The following STAG2 variants were observed in gnomAD, a reference collection of about 807,000 sequenced individuals.
STAG2 encodes the protein cohesin subunit SA-2.
Under a neutral mutation model 108.1 loss-of-function variants are expected in STAG2, and 14 were observed. The ratio of observed to expected loss-of-function variants is 0.13; its 90% CI spans 0.09 to 0.20. STAG2 has a LOEUF of 0.20. Ranked by LOEUF, STAG2 falls within the 10% of genes least tolerant of loss-of-function variation. The pLI, the probability that STAG2 is intolerant of heterozygous loss-of-function variation, is 1.00. For synonymous variants in STAG2, 307 were observed against 302.7 expected (o/e 1.01, Z -0.15); for missense variants, 440 against 940.9 (o/e 0.47, Z 6.96).
chrX:123,960,652 A>AAAAAAAAC (rs1569483388), upstream of STAG2: 1 of 102,449 alleles, frequency 9.8e-6, no homozygotes, highest in Non-Finnish European at 2.0e-5. Context: ...AAGAAAAAAA[A>AAAAAAAAC]CCCCGCCGGA....
At chrX:124,083,993 G>A (rs2059030310) in intron 29 of STAG2, among the ~76,000 whole-genome samples, 1 of 111,318 alleles carries the variant, frequency 9.0e-6, no homozygotes, top group Admixed American at 9.6e-5. Flanking sequence ...GAATAATAAA[G>A]GCAATCCATC....
intron 30 of STAG2, among the ~76,000 whole-genome samples, chrX:124,087,345 T>C (rs2059132027): frequency 8.9e-6 from 1 of 112,011 alleles, no homozygotes; most frequent in South Asian, 3.7e-4. Flanking sequence ...TTTTTCTTTT[T>C]CTTAGGAATT....
intron 1 of STAG2, among the ~76,000 whole-genome samples, chrX:124,009,992 A>G (rs751248416): frequency 1.3e-4 from 14 of 111,644 alleles, no homozygotes; most frequent in East Asian, 5.6e-4. Context: ...TGACATCTCA[A>G]TAGATCAGTA....
intron 5 of STAG2, among the ~76,000 whole-genome samples, chrX:124,031,449 T>C (rs2057330556): frequency 9.1e-6 from 1 of 109,675 alleles, no homozygotes; most frequent in Non-Finnish European, 1.9e-5. Context: ...AACCTCCACC[T>C]CCTGGGTTCA....
intron 4 of STAG2, among the ~76,000 whole-genome samples, chrX:124,028,985 T>TTATATTTATATATATA (rs2057224407): frequency 1.6e-5 from 1 of 64,025 alleles, no homozygotes; most frequent in African/African-American, 6.8e-5. Context: ...TTATTTTTAT[T>TTATATTTATATATATA]TATATATATA....
chrX:124,088,367 G>A (rs1399865686), intron 30 of STAG2, among the ~76,000 whole-genome samples: 1 of 110,879 alleles, frequency 9.0e-6, no homozygotes, highest in Non-Finnish European at 1.9e-5. Flanking sequence ...GGTTTTTGGG[G>A]AGAATCATAG....
Position 124,061,767 on chromosome X carries a change from T to TA in STAG2, c.1535-4_1535-3insA. The TA allele has an allele frequency of 1.0e-6, 1 of 975,481 alleles. No individual in the cohort carries two copies. Among genetic ancestry groups the TA allele is most frequent in the Non-Finnish European group, 1.4e-6 (1 of 727,167 alleles). 80.4% of individuals were successfully genotyped at this position (975,481 alleles called of 1,213,427 possible). On this transcript the variant is annotated splice_polypyrimidine_tract_variant and splice_region_variant and intron_variant, in intron 16 of 34. Coordinates refer to ENST00000371145, the MANE Select transcript of STAG2 (RefSeq NM_001042750.2). The stretch of plus-strand genomic sequence containing the variant: ...ACTTTTTTTTTTTTTTTTTTTTTTT[T>TA]TAGCACTAACAGATAGGCAAGAGAG...
chrX:124,007,679 A>AT (rs2056355547), intron 1 of STAG2, among the ~76,000 whole-genome samples: 1 of 112,174 alleles, frequency 8.9e-6, no homozygotes, highest in African/African-American at 3.2e-5. Context: ...TCCTCTCAGT[A>AT]TTTTTTTGTG....
intron 27 of STAG2, among the ~76,000 whole-genome samples, chrX:124,078,800 C>G (rs369082727): frequency 1.6e-4 from 17 of 109,547 alleles, no homozygotes; most frequent in African/African-American, 5.7e-4. Flanking sequence ...GAAACCCCGT[C>G]TCTACTAAAA....
At chrX:123,997,218 C>T (rs1010171974) in intron 1 of STAG2, among the ~76,000 whole-genome samples, 1 of 112,104 alleles carries the variant, frequency 8.9e-6, no homozygotes, top group African/African-American at 3.2e-5. Context: ...AACTTCTTTG[C>T]CTTTTCACCT....
chrX:124,099,046 T>G (rs2059448849), intron 34 of STAG2, among the ~76,000 whole-genome samples: 1 of 112,028 alleles, frequency 8.9e-6, no homozygotes, highest in Non-Finnish European at 1.9e-5. Context: ...GAAAAGAAAG[T>G]GTCACTACTC....
intron 25 of STAG2, among the ~76,000 whole-genome samples, chrX:124,074,806 A>G (rs2058758866): frequency 8.9e-6 from 1 of 112,194 alleles, no homozygotes; most frequent in Admixed American, 9.5e-5. Flanking sequence ...TAGTGGAGAA[A>G]AATAAAAATC....
rs535125584 is a variant in STAG2, at chrX:123,987,486, G to T, written c.-163+25630G>T. Among the ~76,000 whole-genome samples, 115 of 111,247 alleles carry T rather than the reference G, an allele frequency of 1.0e-3. No individual in the cohort carries two copies. The Middle Eastern group carries it at 0.014, about 14-fold the overall frequency. On this transcript the variant is annotated intron_variant, in intron 1 of 34. Transcript: ENST00000371145. ...TGGTCTCAAACTCCTGATCTCAGGTGATCTGCCTGCCTTGGCCTCCCAAAG... is the reference window on the plus strand; with the variant it reads ...TGGTCTCAAACTCCTGATCTCAGGTTATCTGCCTGCCTTGGCCTCCCAAAG...
At chrX:123,985,683 C>A (rs1026365570) in intron 1 of STAG2, among the ~76,000 whole-genome samples, 1 of 109,383 alleles carries the variant, frequency 9.1e-6, no homozygotes, top group African/African-American at 3.3e-5. Flanking sequence ...TAATCCACCC[C>A]CTTCAGCCTC....
chrX:124,051,642 G>A (rs988003704), intron 13 of STAG2, among the ~76,000 whole-genome samples: 1 of 108,733 alleles, frequency 9.2e-6, no homozygotes, highest in East Asian at 2.9e-4. Context: ...CCAGGCTGGA[G>A]TGCAGTGGTA....
At chrX:124,047,249 G>A (rs1192087438) in intron 8 of STAG2, 105 bp from the exon 9 acceptor site, 2 of 619,541 alleles carry the variant, frequency 3.2e-6, no homozygotes, top group Admixed American at 8.0e-5. Flanking sequence ...TCTTTTGTTA[G>A]AAGCAGATTA....
intron 1 of STAG2, among the ~76,000 whole-genome samples, chrX:123,996,132 C>T (rs1337470779): frequency 8.9e-6 from 1 of 112,357 alleles, no homozygotes; most frequent in Non-Finnish European, 1.9e-5. Context: ...ACATGGAGGG[C>T]AATTTTGATA....
chrX:124,028,976 T>TATATTA (rs1176777624), intron 4 of STAG2, among the ~76,000 whole-genome samples: 2 of 85,101 alleles, frequency 2.4e-5, no homozygotes, highest in Non-Finnish European at 4.3e-5. Context: ...TTTATTTATT[T>TATATTA]ATTTTTATTT....
Position 124,066,403 on chromosome X carries a change from A to G in STAG2, c.2232A>G (p.Gln744=), listed in dbSNP as rs750669226. 2.7e-5 allele frequency: 33 copies of G among 1,206,567 alleles called. No individual in the cohort carries two copies. In the African/African-American group the frequency reaches 4.6e-4, roughly 17 times the overall value. The part of the protein sequence containing the change: ...LQCTHYVILW[Q]LAKITESSST... ...GTACTCACTATGTAATCCTTTGGCA[A>G]CTTGCTAAGATAACTGAAAGCAGCT... is the stretch of plus-strand genomic sequence containing the variant. Residue 744 remains glutamine, a synonymous_variant, in exon 23 of 35, where the codon CAA becomes CAG. Coordinates refer to ENST00000371145, the MANE Select transcript of STAG2 (RefSeq NM_001042750.2).
Sources: allele counts gnomAD v4.1 joint callset (sites outside exome capture counted in the v4.1 genomes callset), GRCh38; gene constraint gnomAD v4.1.1; transcripts MANE v1.5; gene names NCBI Gene and HGNC (gene_info 2026-07-23, HGNC 2026-07-21).